MCM8: variants seen among roughly 807,000 people sequenced by gnomAD.
MCM8 encodes DNA helicase MCM8.
A neutral mutation model predicts 98.9 loss-of-function variants in MCM8; 85 were observed. That is an observed-to-expected ratio of 0.86 (90% CI 0.72 to 1.03). The LOEUF (loss-of-function observed/expected upper bound fraction) is 1.03, where lower values mean the gene tolerates loss of function less well. Among genes scored for constraint, MCM8 ranks in the 50% least tolerant of loss-of-function variants. The probability of loss-of-function intolerance (pLI) is 0.00; values close to 1 mark genes in which losing one functional copy is unlikely to be tolerated. For synonymous variants in MCM8, 352 were observed against 338.6 expected (o/e 1.04, Z -0.44); for missense variants, 951 against 997.8 (o/e 0.95, Z 0.63).
rs2089696245 is a variant in MCM8 at position 5,984,771 on chromosome 20, T to A, written c.1734-10T>A. The A allele has an allele frequency of 6.3e-7, 1 of 1,586,810 alleles. No homozygotes were observed. The highest frequency in any genetic ancestry group is 1.3e-5 in the African/African-American group (1 of 74,176). On this transcript the variant is annotated splice_polypyrimidine_tract_variant and intron_variant, in intron 14 of 18. Coordinates refer to ENST00000610722, the MANE Select transcript of MCM8 (RefSeq NM_032485.6). ...CAATCATTGTTTCTTCTTTCTTTCA[T>A]CCTTCATAGAATGGGGAGTGCACTA...
chr20:5,978,191 C>G (rs568976903), intron 13 of MCM8, among the ~76,000 whole-genome samples, 174 bp downstream of exon 13: 125 of 152,300 alleles, frequency 8.2e-4, no homozygotes, highest in Non-Finnish European at 1.8e-4. Context: ...CATTTTTATA[C>G]TACAGAATTG....
Position 5,994,572 on chromosome 20 carries a change from GA to G in MCM8, c.*187del. On this transcript the variant is annotated 3_prime_UTR_variant, in exon 19 of 19. Transcript: ENST00000610722. ...TGATGTCCCAAAAGTATTATAATAG[GA>G]AAAAAGCATTAAATATAATAAACTA... is the stretch of plus-strand genomic sequence containing the variant. 1.9e-6 allele frequency: 1 copy of G among 529,764 alleles called. No homozygotes were observed. Among genetic ancestry groups the G allele is most frequent in the Non-Finnish European group, 3.3e-6 (1 of 301,200 alleles). The allele number at this position is 529,764 out of a possible 1,614,324, so 32.8% of individuals were successfully genotyped here.
chr20:5,986,290 T>C lies in MCM8; in HGVS notation c.2163+159T>C, dbSNP rs3803971. On this transcript the variant is annotated intron_variant, in intron 16 of 18. Coordinates refer to ENST00000610722, the MANE Select transcript of MCM8 (RefSeq NM_032485.6). ...GAAAGTTTTTTAAAAGATTTTGTCA[T>C]GTCTATAACATATCCAAGTATAGCT... 1.4e-3 allele frequency among the ~76,000 whole-genome samples: 219 copies of C among 152,376 alleles called. 6 individuals are homozygous for C. In the East Asian group the frequency reaches 0.028, roughly 19 times the overall value.
chr20:5,985,521 T>C (rs981279090), intron 15 of MCM8, among the ~76,000 whole-genome samples: 1 of 151,954 alleles, frequency 6.6e-6, no homozygotes, highest in African/African-American at 2.4e-5. Flanking sequence ...GGAGAGTCTT[T>C]TAGAATTGTA....
Position 5,954,693 on chromosome 20 carries a change from A to G in MCM8, c.336+3A>G. The G allele has an allele frequency of 6.5e-7, 1 of 1,542,618 alleles. No homozygotes were observed. Among genetic ancestry groups the G allele is most frequent in the Non-Finnish European group, 9.0e-7 (1 of 1,116,376 alleles). On this transcript the variant is annotated splice_donor_region_variant and intron_variant, in intron 4 of 18. Transcript: ENST00000610722. ...GGCATATTGATTTGTATGACAAGGT[A>G]AGATTCCTCTACAGCAAAGCTACCA... is the stretch of plus-strand genomic sequence containing the variant.
intron 17 of MCM8, among the ~76,000 whole-genome samples, chr20:5,988,579 A>C (rs1337890556): frequency 1.3e-5 from 2 of 152,142 alleles, no homozygotes; most frequent in African/African-American, 4.8e-5. Context: ...ACATATCTAT[A>C]TATTCTTTTT....
rs1248783638 is a variant in MCM8, at chr20:5,967,848, A to C, written c.1046A>C (p.Asp349Ala). 1 of 1,605,736 alleles carries C rather than the reference A, an allele frequency of 6.2e-7. No homozygotes were observed. The highest frequency in any genetic ancestry group is 1.7e-5 in the Admixed American group (1 of 58,212). Residue 349 changes from aspartate to alanine, a missense_variant, in exon 10 of 19, where the codon GAC becomes GCC. By Grantham distance (126) the Asp-to-Ala change is moderately radical. Coordinates refer to ENST00000610722, the MANE Select transcript of MCM8 (RefSeq NM_032485.6). ...NAEEGSRNKN[D>A]KCMFLLYIEA... ...TTTACAGGTTCTCGAAATAAGAATG[A>C]CAAGTGTATGTTCCTTTTGTATATT...
At chr20:5,963,202 T>C (rs2089191484) in intron 7 of MCM8, 72 bp from the exon 8 acceptor site, 1 of 1,158,848 alleles carries the variant, frequency 8.6e-7, no homozygotes, top group African/African-American at 1.5e-5. Flanking sequence ...ATGAAATGTT[T>C]TAACTGAATT....
intron 3 of MCM8, 30 bp downstream of exon 3, chr20:5,952,558 A>G (rs754577213): frequency 6.4e-7 from 1 of 1,561,526 alleles, no homozygotes; most frequent in Non-Finnish European, 8.8e-7. Context: ...AAAAAGCACC[A>G]TAAATCATAT....
rs994723705 is a variant in MCM8 at position 5,989,981 on chromosome 20, T to C, written c.2240+2623T>C. ...ACTGCCTCATAATAAGAAAAATTAA[T>C]AATTATTGACTCCCAACCCTTTGAG... On this transcript the variant is annotated intron_variant, in intron 17 of 18. Transcript: ENST00000610722. 2.0e-5 allele frequency among the ~76,000 whole-genome samples: 3 copies of C among 152,220 alleles called. 1 individual carries two copies. In the South Asian group the frequency reaches 6.2e-4, roughly 31 times the overall value.
intron 14 of MCM8, among the ~76,000 whole-genome samples, chr20:5,984,272 T>C (rs1270840652): frequency 2.6e-5 from 4 of 152,216 alleles, no homozygotes; most frequent in Non-Finnish European, 5.9e-5. Flanking sequence ...CAGTCTTTGA[T>C]ACATAGTGAA....
chr20:5,977,238 G>T (rs1357507296), intron 12 of MCM8, among the ~76,000 whole-genome samples: 9 of 152,210 alleles, frequency 5.9e-5, no homozygotes, highest in Non-Finnish European at 1.3e-4. Context: ...GCACTTATGT[G>T]CCAGGTACCA....
Position 5,967,515 on chromosome 20 carries a change from C to T in MCM8, c.955C>T (p.Leu319Phe), listed in dbSNP as rs1453123165. 14 of 1,613,876 alleles carry T rather than the reference C, an allele frequency of 8.7e-6. No homozygotes were observed. The East Asian group carries it at 2.9e-4, about 33-fold the overall frequency. ...RTIECELVHD[L>F]VDSCVPGDTV... ...AATAGAATGTGAGCTTGTTCATGAT[C>T]TTGTGGATAGCTGTGTCCCGGGAGA... Residue 319 changes from leucine to phenylalanine, a missense_variant, in exon 9 of 19, where the codon CTT becomes TTT. By Grantham distance (22) the Leu-to-Phe change is conservative. Coordinates refer to ENST00000610722, the MANE Select transcript of MCM8 (RefSeq NM_032485.6).
intron 16 of MCM8, 31 bp from the exon 17 acceptor site, chr20:5,987,251 C>T (rs779516050): frequency 2.4e-5 from 38 of 1,589,394 alleles, no homozygotes; most frequent in South Asian, 7.9e-5. Flanking sequence ...ATTCATCTTT[C>T]GTCATCTGAA....
intron 14 of MCM8, 22 bp from the exon 15 acceptor site, chr20:5,984,759 T>C: frequency 6.4e-7 from 1 of 1,561,386 alleles, no homozygotes; most frequent in Non-Finnish European, 8.8e-7. Context: ...TCATTGTTTC[T>C]TCTTTCTTTC....
At position 5,983,226 on chromosome 20, in the gene MCM8, AAG is replaced by A. The variant is rs1190661332; in HGVS notation, c.1733+63_1733+64del. 6.5e-6 allele frequency: 9 copies of A among 1,382,408 alleles called. No homozygotes were observed. The Admixed American group carries it at 9.6e-5, about 15-fold the overall frequency. 85.6% of individuals were successfully genotyped at this position (1,382,408 alleles called of 1,614,324 possible). On this transcript the variant is annotated intron_variant, in intron 14 of 18. Coordinates refer to ENST00000610722, the MANE Select transcript of MCM8 (RefSeq NM_032485.6). ...TGAATCACTTTAATTCAATAAGAAAAAGAAATAGTTCACAGAACTACAGGGGA... is the reference window on the plus strand; with the variant it reads ...TGAATCACTTTAATTCAATAAGAAAAAAATAGTTCACAGAACTACAGGGGA...
Position 5,986,203 on chromosome 20 carries a change from G to A in MCM8, c.2163+72G>A. On this transcript the variant is annotated intron_variant, in intron 16 of 18. Transcript: ENST00000610722. ...GGTGTGCCTTGACTTCTCTTTTGAA[G>A]TATTTTCTGCATAATTGACTCCATT... 3 of 1,368,670 alleles carry A rather than the reference G, an allele frequency of 2.2e-6. No homozygotes were observed. The South Asian group carries it at 3.6e-5, about 17-fold the overall frequency. The allele number at this position is 1,368,670 out of a possible 1,614,324, so 84.8% of individuals were successfully genotyped here. A position where few individuals can be genotyped will look rare whatever the true frequency, so the allele number is the denominator to read the frequency against.
intron 17 of MCM8, among the ~76,000 whole-genome samples, chr20:5,990,035 C>CT: frequency 6.6e-6 from 1 of 151,372 alleles, no homozygotes; most frequent in Non-Finnish European, 1.5e-5. Flanking sequence ...CCTTCTGTGT[C>CT]TAAGTATCCT....
intron 7 of MCM8, among the ~76,000 whole-genome samples, chr20:5,959,512 C>G (rs1338049656): frequency 6.6e-6 from 1 of 152,034 alleles, no homozygotes; most frequent in Non-Finnish European, 1.5e-5. Context: ...TAATACATAT[C>G]AAATTCTTTC....
Sources: allele counts gnomAD v4.1 joint callset (sites outside exome capture counted in the v4.1 genomes callset), GRCh38; gene constraint gnomAD v4.1.1; transcripts MANE v1.5; gene names NCBI Gene and HGNC (gene_info 2026-07-23, HGNC 2026-07-21).